The following CELF2 variants were observed in gnomAD, a reference collection of about 807,000 sequenced individuals.
CELF2 encodes CUGBP Elav-like family member 2, also known as CUG triplet repeat RNA-binding protein 2.
A neutral mutation model predicts 62.6 loss-of-function variants in CELF2; 8 were observed. The ratio of observed to expected loss-of-function variants is 0.13; its 90% CI spans 0.07 to 0.23. The LOEUF (loss-of-function observed/expected upper bound fraction) is 0.23. Among genes scored for constraint, CELF2 ranks in the 10% least tolerant of loss-of-function variants. CELF2 has a pLI of 1.00. For synonymous variants in CELF2, 258 were observed against 250.0 expected, an observed-to-expected ratio of 1.03 and a Z score of -0.30; for missense variants, 333 against 671.0, an observed-to-expected ratio of 0.50 and a Z score of 5.56.
At chr10:10,597,888 A>G in the CELF2 span, among the ~76,000 whole-genome samples, 67,213 of 151,932 alleles carry the variant, frequency 0.44, 15,450 homozygotes, top group South Asian at 0.73. Flanking sequence ...AAAACAAAAT[A>G]GTATCTAGGA....
At chr10:10,663,046 A>G in the CELF2 span, among the ~76,000 whole-genome samples, 1 of 152,234 alleles carries the variant, frequency 6.6e-6, no homozygotes, top group Non-Finnish European at 1.5e-5. Context: ...GAGAGCTGTT[A>G]TTGCAAACTC....
intron 3 of CELF2, among the ~76,000 whole-genome samples, chr10:11,230,983 C>T (rs56116757): frequency 0.11 from 17,325 of 152,148 alleles, 1,404 homozygotes; most frequent in East Asian, 0.23. Context: ...TCTTGCTATC[C>T]GCAGCTTGAG....
At chr10:10,552,616 G>A in the CELF2 span, among the ~76,000 whole-genome samples, 1 of 152,128 alleles carries the variant, frequency 6.6e-6, no homozygotes, top group Non-Finnish European at 1.5e-5. Flanking sequence ...GTGTTTTTGT[G>A]GGGGGCGGTG....
At chr10:10,992,799 T>G (rs1012756647) in intron 2 of CELF2, among the ~76,000 whole-genome samples, 1 of 152,242 alleles carries the variant, frequency 6.6e-6, no homozygotes, top group Non-Finnish European at 1.5e-5. Flanking sequence ...GGAATTTGAC[T>G]GCACAGTTAC....
chr10:10,922,773 C>T (rs1031539354), intron 2 of CELF2: 13 of 152,196 alleles, frequency 8.5e-5, no homozygotes, highest in African/African-American at 3.1e-4. Context: ...CTGCAATTTG[C>T]AATCACTGTA....
At chr10:11,148,691 C>T (rs1255220594) in intron 1 of CELF2, among the ~76,000 whole-genome samples, 1 of 152,190 alleles carries the variant, frequency 6.6e-6, no homozygotes, top group Non-Finnish European at 1.5e-5. Flanking sequence ...TGTATGCTTT[C>T]ATACATAAGT....
rs561855533 is a variant in CELF2 at position 11,286,604 on chromosome 10, C to G, written c.842-1814C>G. On this transcript the variant is annotated intron_variant, in intron 8 of 12. Transcript: ENST00000633077. The stretch of plus-strand genomic sequence containing the variant: ...TAGGGCCAGGCAATTTGCATATTTC[C>G]TCCATTTTCCTAAAGTAAAACTGAA... Among the ~76,000 whole-genome samples the G allele has an allele frequency of 1.1e-4, 17 of 152,344 alleles. No individual in the cohort carries two copies. The South Asian group carries it at 3.1e-3, about 28-fold the overall frequency.
the CELF2 span, among the ~76,000 whole-genome samples, chr10:10,593,939 G>A: frequency 2.6e-5 from 4 of 152,144 alleles, no homozygotes; most frequent in South Asian, 2.1e-4. Context: ...CATATGGGGA[G>A]GCACATAAAA....
intron 1 of CELF2, among the ~76,000 whole-genome samples, chr10:11,092,073 A>G (rs905769799): frequency 6.6e-6 from 1 of 152,234 alleles, no homozygotes; most frequent in Non-Finnish European, 1.5e-5. Flanking sequence ...CTTCTAATCC[A>G]AGGCCAAAGA....
chr10:10,635,954 T>C, the CELF2 span, among the ~76,000 whole-genome samples: 1 of 152,210 alleles, frequency 6.6e-6, no homozygotes, highest in Non-Finnish European at 1.5e-5. Context: ...CAAAAGTCTT[T>C]CCTTCTTTCC....
rs2056629199 is a variant in CELF2, at chr10:11,012,528, C to T, written c.53+7088C>T. Among the ~76,000 whole-genome samples the T allele has an allele frequency of 6.6e-6, 1 of 152,228 alleles. No individual in the cohort carries two copies. The highest frequency in any genetic ancestry group is 1.5e-5 in the Non-Finnish European group (1 of 68,046). On this transcript the variant is annotated intron_variant, in intron 1 of 12. Transcript: ENST00000416382. This position sits in a 1 kb window ranked among gnomAD's most constrained non-coding sequence, Gnocchi z 5.5. Reference sequence around the variant, plus strand: ...ACCCTCAAGCTTACCACATCCATTTCTCTTCCTTTCACCCCACCTGTTGCT... The same window carrying T: ...ACCCTCAAGCTTACCACATCCATTTTTCTTCCTTTCACCCCACCTGTTGCT...
chr10:11,010,121 G>A lies in CELF2; in HGVS notation c.53+4681G>A, dbSNP rs185074048. 6.6e-6 allele frequency: 1 copy of A among 152,386 alleles called. No individual in the cohort carries two copies. The highest frequency in any genetic ancestry group is 1.9e-4 in the East Asian group (1 of 5,194). 9.4% of individuals were successfully genotyped at this position (152,386 alleles called of 1,614,324 possible). A position where few individuals can be genotyped will look rare whatever the true frequency, so the allele number is the denominator to read the frequency against. ...CTTTGCTTTGTGAACATCCTGGGCT[G>A]AGAGTCCAGCTCTCCTCTGGGCTCG... is the stretch of plus-strand genomic sequence containing the variant. On this transcript the variant is annotated intron_variant, in intron 1 of 12. Coordinates refer to the CELF2 transcript ENST00000416382. This position sits in a 1 kb window ranked among gnomAD's most constrained non-coding sequence, Gnocchi z 4.1.
the CELF2 span, among the ~76,000 whole-genome samples, chr10:10,668,924 C>T: frequency 6.6e-6 from 1 of 152,296 alleles, no homozygotes; most frequent in East Asian, 1.9e-4. Flanking sequence ...TGCCACTACA[C>T]TCCAGCCTGG....
intron 1 of CELF2, among the ~76,000 whole-genome samples, chr10:10,864,610 A>G (rs1044505232): frequency 1.5e-4 from 23 of 152,020 alleles, no homozygotes; most frequent in African/African-American, 4.8e-4. Context: ...TGGTTGGGGG[A>G]AGCGTTCTGG....
At chr10:10,835,432 G>C (rs1445712081) in intron 1 of CELF2, among the ~76,000 whole-genome samples, 1 of 151,174 alleles carries the variant, frequency 6.6e-6, no homozygotes, top group African/African-American at 2.4e-5. Context: ...ACCCAGGCTG[G>C]AGTGCAGTGG....
the CELF2 span, among the ~76,000 whole-genome samples, chr10:10,768,647 C>A: frequency 6.6e-6 from 1 of 150,866 alleles, no homozygotes; most frequent in Non-Finnish European, 1.5e-5. Flanking sequence ...GATCTCAGCT[C>A]ACTGCAACTT....
intron 2 of CELF2, among the ~76,000 whole-genome samples, chr10:11,190,337 T>C (rs1407852704): frequency 6.6e-6 from 1 of 152,196 alleles, no homozygotes; most frequent in African/African-American, 2.4e-5. Context: ...TGATAAAGAA[T>C]ATCTTAGGCT....
the CELF2 span, among the ~76,000 whole-genome samples, chr10:10,507,305 C>T: frequency 0.011 from 20 of 1,746 alleles, no homozygotes; most frequent in Non-Finnish European, 0.037. Context: ...GAAATACTCA[C>T]ACCTAAATTT....
chr10:10,775,078 T>A, the CELF2 span, among the ~76,000 whole-genome samples: 4 of 152,044 alleles, frequency 2.6e-5, no homozygotes, highest in Non-Finnish European at 5.9e-5. Context: ...GGTTTCACCA[T>A]GTTGGCTAGG....
Sources: gnomAD v4.1 joint callset for allele counts (sites outside exome capture counted in the v4.1 genomes callset) on GRCh38, gnomAD v4.1.1 for gene constraint, Gnocchi (gnomAD v3.1) non-coding constraint, MANE v1.5 for transcripts, NCBI Gene and HGNC (gene_info 2026-07-23, HGNC 2026-07-21) for gene names.